The following ABCG2 variants were observed in gnomAD, a reference collection of about 807,000 sequenced individuals.
ABCG2 encodes broad substrate specificity ATP-binding cassette transporter ABCG2.
In ABCG2, 80 loss-of-function variants were observed where a neutral mutation model predicts 73.5. The ratio of observed to expected loss-of-function variants is 1.09; its 90% confidence interval spans 0.91 to 1.31. ABCG2 has a LOEUF of 1.31. ABCG2 is among the 50% of genes most tolerant of loss of function. The probability of loss-of-function intolerance (pLI) is 0.00; values close to 1 mark genes in which losing one functional copy is unlikely to be tolerated. For missense variants in ABCG2, 796 were observed against 786.2 expected, an observed-to-expected ratio of 1.01 and a Z score of -0.15; for synonymous variants, 269 against 282.4, an observed-to-expected ratio of 0.95 and a Z score of 0.48.
upstream of ABCG2, among the ~76,000 whole-genome samples, chr4:88,161,855 A>T (rs1405502045): frequency 2.4e-5 from 3 of 122,484 alleles, no homozygotes; most frequent in Non-Finnish European, 5.0e-5. Flanking sequence ...CTTTTTAATG[A>T]TTGCCATTCT....
chr4:88,176,909 T>C (rs1728011159), intron 1 of ABCG2, among the ~76,000 whole-genome samples: 2 of 152,060 alleles, frequency 1.3e-5, no homozygotes, highest in Admixed American at 1.3e-4. Context: ...CCATATATGG[T>C]GTCAAGTTAT....
rs747745975 is a variant in ABCG2, at chr4:88,131,067, G to A, written c.525C>T (p.Asp175=). 6.8e-6 allele frequency: 11 copies of A among 1,613,858 alleles called. No homozygotes were observed. Among genetic ancestry groups the A allele is most frequent in the Non-Finnish European group, 9.3e-6 (11 of 1,179,960 alleles). The change falls in exon 5 of 16, where the codon GAC becomes GAT. Residue 175 remains aspartate (D), a synonymous_variant. Coordinates refer to ENST00000237612, the MANE Select transcript of ABCG2 (RefSeq NM_004827.3). ...TTCAGTTTTTCCACATTACCTTGGA[G>A]TCTGCCACTTTATCCAGACCTAACT... ...IQELGLDKVA[D]SKVGTQFIRG...
At chr4:88,184,363 G>A (rs1728368484) in intron 1 of ABCG2, among the ~76,000 whole-genome samples, 1 of 152,058 alleles carries the variant, frequency 6.6e-6, no homozygotes, top group African/African-American at 2.4e-5. Flanking sequence ...AAAGTTGCAG[G>A]ATACAAAATC....
chr4:88,139,778 A>G lies in ABCG2; in HGVS notation c.203+15T>C. The G allele has an allele frequency of 1.9e-6, 3 of 1,604,884 alleles. No homozygotes were observed. The highest frequency in any genetic ancestry group is 2.6e-6 in the Non-Finnish European group (3 of 1,174,810). ...TAAATTAAAAAGCTGTCTTTTTACA[A>G]GTTCATGTACATACTTGATATTCGA... On this transcript the variant is annotated intron_variant, in intron 2 of 15. Transcript: ENST00000237612.
chr4:88,154,771 G>A (rs1408935730), intron 1 of ABCG2, among the ~76,000 whole-genome samples: 7 of 150,030 alleles, frequency 4.7e-5, no homozygotes, highest in Non-Finnish European at 5.9e-5. Context: ...AGTATAGCTG[G>A]AGGAGCCGGG....
intron 10 of ABCG2, among the ~76,000 whole-genome samples, chr4:88,106,901 G>A (rs910607219): frequency 6.6e-6 from 1 of 152,120 alleles, no homozygotes; most frequent in Non-Finnish European, 1.5e-5. Context: ...AATTAGCTGG[G>A]CGTGGTGGTG....
In ABCG2 at chr4:88,139,836, G is replaced by A; in HGVS notation, c.160C>T (p.Pro54Ser). The A allele has an allele frequency of 6.2e-7, 1 of 1,614,088 alleles. No individual in the cohort carries two copies. Among genetic ancestry groups the A allele is most frequent in the South Asian group, 1.1e-5 (1 of 91,080 alleles). ...YRVKLKSGFL[P>S]CRKPVEKEIL... ...TCTTTCTCAACTGGTTTTCGACAAG[G>A]TAGAAAGCCACTCTTCAGTTTTACT... is the stretch of plus-strand genomic sequence containing the variant. Residue 54 changes from proline to serine, a missense_variant, in exon 2 of 16, where the codon CCT becomes TCT. By Grantham distance (74) the Pro-to-Ser change is moderately conservative. Coordinates refer to ENST00000237612, the MANE Select transcript of ABCG2 (RefSeq NM_004827.3).
intron 6 of ABCG2, among the ~76,000 whole-genome samples, chr4:88,121,290 T>C (rs1723951054): frequency 1.3e-5 from 2 of 151,960 alleles, no homozygotes. Flanking sequence ...GAAAAAGGTG[T>C]GAAATAAAAA....
At chr4:88,172,931 T>C (rs1727815068) in intron 1 of ABCG2, among the ~76,000 whole-genome samples, 1 of 152,204 alleles carries the variant, frequency 6.6e-6, no homozygotes, top group Non-Finnish European at 1.5e-5. Flanking sequence ...AATAGCATTG[T>C]AGGGCTCAAG....
At chr4:88,117,155 C>A (rs1723632548) in intron 7 of ABCG2, among the ~76,000 whole-genome samples, 2 of 152,028 alleles carry the variant, frequency 1.3e-5, no homozygotes, top group Admixed American at 6.6e-5. Context: ...AAGACCCCGA[C>A]TCTACAAAAA....
At chr4:88,231,389 T>C (rs1730458748), upstream of ABCG2, 1 of 152,164 alleles carries the variant, frequency 6.6e-6, no homozygotes, top group Non-Finnish European at 1.5e-5. Context: ...AAAGACCTAA[T>C]GGTTCCAGTC....
Position 88,092,141 on chromosome 4 carries a change from G to C in ABCG2, c.*93C>G. On this transcript the variant is annotated 3_prime_UTR_variant, in exon 16 of 16. Transcript: ENST00000237612. Reference sequence around the variant, plus strand: ...TGCTGTGCAACAGTGTGATGGCAAGGGAACAGAAAACAACAAAAAAACTTG... The same window carrying C: ...TGCTGTGCAACAGTGTGATGGCAAGCGAACAGAAAACAACAAAAAAACTTG... 9 of 1,176,248 alleles carry C rather than the reference G, an allele frequency of 7.7e-6. No homozygotes were observed. Among genetic ancestry groups the C allele is most frequent in the Non-Finnish European group, 9.5e-6 (8 of 840,914 alleles). 72.9% of individuals were successfully genotyped at this position (1,176,248 alleles called of 1,614,324 possible). A position where few individuals can be genotyped will look rare whatever the true frequency, so the allele number is the denominator to read the frequency against.
Position 88,139,893 on chromosome 4 carries a change from C to G in ABCG2, c.103G>C (p.Ala35Pro). Reference protein sequence around the residue: ...SNDLKAFTEGAVLSFHNICYR... With the variant: ...SNDLKAFTEGPVLSFHNICYR... ...CAGATGTTATGAAAACTTAACACAG[C>G]TCCTTCAGTAAATGCCTTCAGGTCA... is the stretch of plus-strand genomic sequence containing the variant. Residue 35 changes from alanine (A) to proline (P), a missense_variant, in exon 2 of 16, where the codon GCT becomes CCT. Transcript: ENST00000237612. The G allele has an allele frequency of 6.2e-7, 1 of 1,614,172 alleles. No homozygotes were observed. Among genetic ancestry groups the G allele is most frequent in the Non-Finnish European group, 8.5e-7 (1 of 1,180,026 alleles).
intron 1 of ABCG2, among the ~76,000 whole-genome samples, chr4:88,174,410 A>C (rs952719144): frequency 6.6e-6 from 1 of 152,138 alleles, no homozygotes; most frequent in African/African-American, 2.4e-5. Context: ...TATGAGTGAA[A>C]ACATGCAGTG....
intron 5 of ABCG2, among the ~76,000 whole-genome samples, chr4:88,124,189 G>T (rs995762581): frequency 6.6e-6 from 1 of 152,104 alleles, no homozygotes; most frequent in African/African-American, 2.4e-5. Flanking sequence ...AGAAAAACTG[G>T]TACCAGTGAC....
At chr4:88,109,474 G>T (rs1374353188) in intron 9 of ABCG2, among the ~76,000 whole-genome samples, 2 of 152,116 alleles carry the variant, frequency 1.3e-5, no homozygotes, top group African/African-American at 4.8e-5. Flanking sequence ...CGTAACCTTG[G>T]CATGCTTTTA....
At chr4:88,159,755 G>A (rs1325407983), upstream of ABCG2, among the ~76,000 whole-genome samples, 1 of 152,142 alleles carries the variant, frequency 6.6e-6, no homozygotes, top group African/African-American at 2.4e-5. Context: ...GCCTAGATAA[G>A]AAAATTGACT....
At chr4:88,207,877 A>G (rs1413782945) in intron 1 of ABCG2, among the ~76,000 whole-genome samples, 1 of 152,208 alleles carries the variant, frequency 6.6e-6, no homozygotes, top group African/African-American at 2.4e-5. Context: ...CTGTCAGGGC[A>G]CAATGAAGGA....
intron 2 of ABCG2, among the ~76,000 whole-genome samples, chr4:88,139,111 A>G (rs567169421): frequency 6.6e-6 from 1 of 151,308 alleles, no homozygotes; most frequent in African/African-American, 2.4e-5. Context: ...GCTGCACTCC[A>G]GCCTGGGTGA....
Sources: gnomAD v4.1 joint callset for allele counts (sites outside exome capture counted in the v4.1 genomes callset) on GRCh38, gnomAD v4.1.1 for gene constraint, MANE v1.5 for transcripts, NCBI Gene and HGNC (gene_info 2026-07-23, HGNC 2026-07-21) for gene names.